Variants in DPP10 observed in about 807,000 individuals in gnomAD.
The protein encoded by DPP10 is inactive dipeptidyl peptidase 10.
Under a neutral mutation model 120.9 loss-of-function variants are expected in DPP10, and 33 were observed. The ratio of observed to expected loss-of-function variants is 0.27; its 90% CI spans 0.21 to 0.37. The LOEUF (loss-of-function observed/expected upper bound fraction) is 0.37, where lower values mean the gene tolerates loss of function less well. Among genes scored for constraint, DPP10 ranks in the 10% least tolerant of loss-of-function variants. The pLI is 1.00. For synonymous variants in DPP10, 337 were observed against 326.1 expected (o/e 1.03, Z -0.36); for missense variants, 816 against 942.8 (o/e 0.87, Z 1.76).
chr2:115,407,679 A>AAT, intron 3 of DPP10, among the ~76,000 whole-genome samples: 1 of 152,042 alleles, frequency 6.6e-6, no homozygotes, highest in Non-Finnish European at 1.5e-5. Flanking sequence ...ACTGGAAAAA[A>AAT]AAAAATACTT....
intron 5 of DPP10, among the ~76,000 whole-genome samples, chr2:115,623,357 C>T (rs1013144184): frequency 2.6e-5 from 4 of 152,054 alleles, no homozygotes; most frequent in Non-Finnish European, 4.4e-5. Flanking sequence ...GTTTAGTGAG[C>T]GATACAGGAG....
At chr2:115,402,663 A>G (rs544256657) in intron 3 of DPP10, among the ~76,000 whole-genome samples, 1 of 150,966 alleles carries the variant, frequency 6.6e-6, no homozygotes, top group African/African-American at 2.4e-5. Context: ...AAAGTCTTCC[A>G]CTGAGGAAAA....
At chr2:114,583,889 C>T (rs538232676) in intron 1 of DPP10, among the ~76,000 whole-genome samples, 6 of 152,252 alleles carry the variant, frequency 3.9e-5, no homozygotes, top group African/African-American at 1.4e-4. Flanking sequence ...TGAATCCTTG[C>T]TTAATATAAT....
chr2:115,505,673 G>C (rs1419556227), intron 4 of DPP10, among the ~76,000 whole-genome samples: 1 of 152,012 alleles, frequency 6.6e-6, no homozygotes, highest in Non-Finnish European at 1.5e-5. Context: ...ATATATTGCT[G>C]TCTCCCAGTC....
chr2:114,702,132 A>C (rs1382896010), intron 1 of DPP10, among the ~76,000 whole-genome samples: 1 of 152,128 alleles, frequency 6.6e-6, no homozygotes, highest in Non-Finnish European at 1.5e-5. Flanking sequence ...TGTAAGTTAC[A>C]TGAGGGAAGG....
chr2:115,451,857 T>C (rs1162050893), intron 3 of DPP10, among the ~76,000 whole-genome samples: 5 of 151,834 alleles, frequency 3.3e-5, no homozygotes, highest in Non-Finnish European at 7.4e-5. Context: ...ATCGTTTGTA[T>C]AGGAGAGAAA....
intron 5 of DPP10, among the ~76,000 whole-genome samples, chr2:115,552,880 C>G (rs1336460127): frequency 1.3e-5 from 2 of 151,964 alleles, no homozygotes; most frequent in African/African-American, 4.8e-5. Flanking sequence ...ATTCTTCATT[C>G]TTTGATTTTA....
chr2:115,706,047 T>C (rs1310387941), intron 7 of DPP10, among the ~76,000 whole-genome samples: 3 of 152,054 alleles, frequency 2.0e-5, no homozygotes, highest in Admixed American at 1.3e-4. Context: ...TATCTTCACT[T>C]ATAAATTTGC....
intron 21 of DPP10, among the ~76,000 whole-genome samples, chr2:115,834,877 G>C (rs903507152): frequency 3.3e-5 from 5 of 152,110 alleles, no homozygotes; most frequent in Non-Finnish European, 7.4e-5. Flanking sequence ...ACGAGGTCAG[G>C]AGATCGAGAC....
intron 1 of DPP10, among the ~76,000 whole-genome samples, chr2:114,829,383 T>C (rs1686864071): frequency 6.6e-6 from 1 of 150,838 alleles, no homozygotes; most frequent in African/African-American, 2.4e-5. Flanking sequence ...TCTTTTTTTT[T>C]TTTAATTTTT....
chr2:115,474,042 G>A (rs568077445), intron 3 of DPP10, among the ~76,000 whole-genome samples: 152 of 152,254 alleles, frequency 1.0e-3, no homozygotes, highest in South Asian at 5.8e-3. Context: ...AGATGACGTC[G>A]TGACCTTTAA....
chr2:115,395,196 T>C (rs753466381), intron 3 of DPP10, among the ~76,000 whole-genome samples: 1 of 152,198 alleles, frequency 6.6e-6, no homozygotes, highest in Non-Finnish European at 1.5e-5. Context: ...TGAGCCTGTC[T>C]TCTTGGCTTG....
intron 1 of DPP10, among the ~76,000 whole-genome samples, chr2:115,214,921 A>G (rs776897389): frequency 6.6e-6 from 1 of 152,132 alleles, no homozygotes; most frequent in Non-Finnish European, 1.5e-5. Context: ...ATCCTAGCAC[A>G]TCTTGCCTTT....
At chr2:115,745,708 C>G (rs1305967514) in intron 9 of DPP10, among the ~76,000 whole-genome samples, 1 of 146,838 alleles carries the variant, frequency 6.8e-6, no homozygotes, top group Non-Finnish European at 1.5e-5. Flanking sequence ...AAACCTTCTT[C>G]CCATTGCATT....
intron 1 of DPP10, among the ~76,000 whole-genome samples, chr2:114,680,172 A>C (rs955355766): frequency 6.6e-6 from 1 of 151,956 alleles, no homozygotes; most frequent in Non-Finnish European, 1.5e-5. Context: ...AGAGCATCTA[A>C]ATTTAAAATA....
chr2:115,341,511 A>G (rs1432113133), intron 2 of DPP10, among the ~76,000 whole-genome samples: 1 of 152,150 alleles, frequency 6.6e-6, no homozygotes, highest in East Asian at 1.9e-4. Flanking sequence ...ATTGTGTTGT[A>G]TGGGTTTGGA....
At chr2:115,563,316 C>T (rs929575896) in intron 5 of DPP10, among the ~76,000 whole-genome samples, 3 of 151,836 alleles carry the variant, frequency 2.0e-5, no homozygotes, top group Non-Finnish European at 4.4e-5. Flanking sequence ...ATCAGACTTC[C>T]GAGGACATAA....
rs887283985 is a variant in DPP10, at chr2:114,548,654, G to A, written c.60+105816G>A. ...GTCCCTAAACAGCGACTTCATTTCCGGAGCTACTTTTTAAGTGTTGGTGAA... is the reference window on the plus strand; with the variant it reads ...GTCCCTAAACAGCGACTTCATTTCCAGAGCTACTTTTTAAGTGTTGGTGAA... On this transcript the variant is annotated intron_variant, in intron 1 of 25. Coordinates refer to ENST00000410059, the MANE Select transcript of DPP10 (RefSeq NM_020868.6). Among the ~76,000 whole-genome samples the A allele has an allele frequency of 3.3e-5, 5 of 152,120 alleles. 1 individual carries two copies. Among genetic ancestry groups the A allele is most frequent in the Admixed American group, 2.6e-4 (4 of 15,274 alleles).
intron 1 of DPP10, among the ~76,000 whole-genome samples, chr2:114,699,932 C>G (rs866133029): frequency 6.6e-6 from 1 of 152,004 alleles, no homozygotes; most frequent in African/African-American, 2.4e-5. Context: ...AAGTCAAATT[C>G]GGGTTTGTTG....
Sources: allele counts gnomAD v4.1 joint callset (sites outside exome capture counted in the v4.1 genomes callset), GRCh38; gene constraint gnomAD v4.1.1; transcripts MANE v1.5; gene names NCBI Gene and HGNC (gene_info 2026-07-23, HGNC 2026-07-21).